Variants in IL27 observed in about 807,000 individuals in gnomAD.
IL27 encodes interleukin 27.
A neutral mutation model predicts 27.0 loss-of-function variants in IL27; 11 were observed. That is an observed-to-expected ratio of 0.41 (90% CI 0.26 to 0.67). The LOEUF is 0.67. Ranked by LOEUF, IL27 falls within the 30% of genes least tolerant of loss-of-function variation. The pLI, the probability that IL27 is intolerant of heterozygous loss-of-function variation, is 0.34. For synonymous variants in IL27, 134 were observed against 140.6 expected, an observed-to-expected ratio of 0.95 and a Z score of 0.33; for missense variants, 299 against 310.4, an observed-to-expected ratio of 0.96 and a Z score of 0.28.
chr16:28,504,756 ATT>A (rs1024799764), intron 1 of IL27, among the ~76,000 whole-genome samples: 1 of 151,588 alleles, frequency 6.6e-6, no homozygotes, highest in African/African-American at 2.4e-5. Flanking sequence ...AACTGTTTCT[ATT>A]TTTTTGTAGA....
intron 1 of IL27, among the ~76,000 whole-genome samples, chr16:28,504,252 C>A (rs766010845): frequency 6.6e-6 from 1 of 152,116 alleles, no homozygotes; most frequent in Non-Finnish European, 1.5e-5. Context: ...CCGAGGCGGG[C>A]GGATCACCTG....
At chr16:28,504,626 C>G (rs535095629) in intron 1 of IL27, among the ~76,000 whole-genome samples, 14 of 151,862 alleles carry the variant, frequency 9.2e-5, no homozygotes, top group African/African-American at 3.4e-4. Flanking sequence ...GTTCTATCAC[C>G]CAGCCTGGAG....
rs1218177595 is a variant in IL27, at chr16:28,504,049, C to G, written c.33G>C (p.Arg11=). MGQTAGDLGW[R]LSLLLLPLLL... ...GCAAGGGAAGCAGCAACAGGCTGAG[C>G]CCTGGAGAGATGGGAAGAGGGTGGC... The change falls in exon 2 of 5, where the codon CGG becomes CGC. Residue 11 remains arginine (R), a splice_region_variant and synonymous_variant. Transcript: ENST00000356897. 5 of 1,591,632 alleles carry G rather than the reference C, an allele frequency of 3.1e-6. No homozygotes were observed. Among genetic ancestry groups the G allele is most frequent in the Middle Eastern group, 1.7e-4 (1 of 5,940 alleles).
Position 28,499,822 on chromosome 16 carries a change from G to A in IL27, c.561C>T (p.Ser187=), listed in dbSNP as rs775939027. ...RKGLLPGALG[S]ALQGPAQVSW... The stretch of plus-strand genomic sequence containing the variant: ...ACACCTGGGCCGGGCCCTGTAAGGC[G>A]CTGCCCAGTGCCCCTGGGAGCAGCC... The change falls in exon 5 of 5, where the codon AGC becomes AGT. Residue 187 remains serine (S), a synonymous_variant. Transcript: ENST00000356897. The A allele has an allele frequency of 1.4e-5, 23 of 1,587,604 alleles. No individual in the cohort carries two copies. Among genetic ancestry groups the A allele is most frequent in the African/African-American group, 6.7e-5 (5 of 74,274 alleles).
chr16:28,499,611 G>A lies in IL27; in HGVS notation c.*40C>T. ...CTGATGCCAAGACTCCAGTCCTAAA[G>A]TTCTAAAGGGTGGGGGGCAGGGGGC... On this transcript the variant is annotated 3_prime_UTR_variant, in exon 5 of 5. Coordinates refer to ENST00000356897, the MANE Select transcript of IL27 (RefSeq NM_145659.3). 1 of 1,533,654 alleles carries A rather than the reference G, an allele frequency of 6.5e-7. No homozygotes were observed. The highest frequency in any genetic ancestry group is 8.9e-7 in the Non-Finnish European group (1 of 1,126,114).
chr16:28,501,567 ACACACT>A (rs202174388), intron 4 of IL27, among the ~76,000 whole-genome samples: 12 of 101,796 alleles, frequency 1.2e-4, no homozygotes, highest in South Asian at 2.8e-4. Context: ...CCCCCCACAC[ACACACT>A]CACAGTCACA....
rs1399124649 is a variant in IL27, at chr16:28,501,589, ACACT to A, written c.462+383_462+386del. Among the ~76,000 whole-genome samples, 8 of 143,746 alleles carry A rather than the reference ACACT, an allele frequency of 5.6e-5. No individual in the cohort carries two copies. In the East Asian group the frequency reaches 1.6e-3, roughly 30 times the overall value. The allele number at this position is 143,746 out of a possible 152,430, so 94.3% of individuals were successfully genotyped here. A position where few individuals can be genotyped will look rare whatever the true frequency, so the allele number is the denominator to read the frequency against. On this transcript the variant is annotated intron_variant, in intron 4 of 4. Transcript: ENST00000356897. Reference sequence around the variant, plus strand: ...CACACACACTCACAGTCACACCCACACACTCTCACAGTCAGGTACACTCACACAG... The same window carrying A: ...CACACACACTCACAGTCACACCCACACTCACAGTCAGGTACACTCACACAG...
intron 1 of IL27, among the ~76,000 whole-genome samples, chr16:28,504,291 A>G (rs2046449530): frequency 1.3e-5 from 2 of 152,202 alleles, no homozygotes; most frequent in South Asian, 4.1e-4. Flanking sequence ...CAGCCTGGCC[A>G]ACATGGCGAA....
intron 4 of IL27, 60 bp downstream of exon 4, chr16:28,501,916 T>G: frequency 5.8e-6 from 9 of 1,551,784 alleles, no homozygotes; most frequent in Non-Finnish European, 7.0e-6. Flanking sequence ...GATCACTGAA[T>G]GAGCCAGCGA....
rs1013787267 is a variant in IL27 at position 28,499,752 on chromosome 16, C to T, written c.631G>A (p.Glu211Lys). 6.2e-7 allele frequency: 1 copy of T among 1,613,356 alleles called. No homozygotes were observed. The highest frequency in any genetic ancestry group is 8.5e-7 in the Non-Finnish European group (1 of 1,179,740). ...CGCACGGCCCGAGATAAGACGAGCT[C>T]CAAGGAGTGCAGCAGGCGGTAGGTG... ...LSTYRLLHSLELVLSRAVREL... is the reference protein window; with the variant it reads ...LSTYRLLHSLKLVLSRAVREL... Residue 211 changes from glutamate to lysine, a missense_variant, in exon 5 of 5, where the codon GAG (glutamate) becomes AAG (lysine). Coordinates refer to ENST00000356897, the MANE Select transcript of IL27 (RefSeq NM_145659.3).
At position 28,499,732 on chromosome 16, in the gene IL27, G is replaced by C; in HGVS notation, c.651C>G (p.Ala217=). The part of the protein sequence containing the change: ...LHSLELVLSR[A]VRELLLLSKA... ...TGGACAGCAGCAGCAACTCCCGCAC[G>C]GCCCGAGATAAGACGAGCTCCAAGG... The change falls in exon 5 of 5, where the codon GCC becomes GCG. Residue 217 remains alanine, a synonymous_variant. Coordinates refer to ENST00000356897, the MANE Select transcript of IL27 (RefSeq NM_145659.3). 6.2e-7 allele frequency: 1 copy of C among 1,613,632 alleles called. No individual in the cohort carries two copies. The highest frequency in any genetic ancestry group is 8.5e-7 in the Non-Finnish European group (1 of 1,179,838).
At chr16:28,500,010 G>C (rs1046654061) in intron 4 of IL27, 90 bp from the exon 5 acceptor site, 1 of 1,427,312 alleles carries the variant, frequency 7.0e-7, no homozygotes. Flanking sequence ...GGTTCCCAAT[G>C]ACATCAGTGA....
At chr16:28,500,532 C>T (rs568811014) in intron 4 of IL27, among the ~76,000 whole-genome samples, 4 of 152,112 alleles carry the variant, frequency 2.6e-5, no homozygotes, top group African/African-American at 7.2e-5. Context: ...GCTTTGGCCT[C>T]CTAAAGTGCT....
chr16:28,499,891 C>T lies in IL27; in HGVS notation c.492G>A (p.Glu164=). Residue 164 remains glutamate, a synonymous_variant, in exon 5 of 5, where the codon GAG becomes GAA. Coordinates refer to ENST00000356897, the MANE Select transcript of IL27 (RefSeq NM_145659.3). The part of the protein sequence containing the change: ...QVLAAGFNLP[E]EEEEEEEEEE... ...CCTCCTCCTCTTCCTCCTCCTCCTC[C>T]TCCGGGAGGTTGAATCCTGCAGCCA... 1 of 1,551,568 alleles carries T rather than the reference C, an allele frequency of 6.4e-7. No individual in the cohort carries two copies. The highest frequency in any genetic ancestry group is 8.7e-7 in the Non-Finnish European group (1 of 1,146,762).
chr16:28,504,247 G>A (rs892528901), intron 1 of IL27, among the ~76,000 whole-genome samples, 197 bp from the exon 2 acceptor site: 5 of 152,224 alleles, frequency 3.3e-5, no homozygotes, highest in Non-Finnish European at 5.9e-5. Context: ...GGAGACCGAG[G>A]CGGGCGGATC....
intron 4 of IL27, among the ~76,000 whole-genome samples, chr16:28,500,673 G>A (rs1375883554): frequency 6.6e-6 from 1 of 152,186 alleles, no homozygotes; most frequent in South Asian, 2.1e-4. Flanking sequence ...AGAATCAGAG[G>A]GAGAAAGGAA....
In IL27 at chr16:28,503,808, C is replaced by T; in HGVS notation, c.205-15G>A. Reference sequence around the variant, plus strand: ...TGAGATTCCGCCTGGGGGGCAAGGTCTGTTAGTGGGGGCCAGAAGGGATTG... The same window carrying T: ...TGAGATTCCGCCTGGGGGGCAAGGTTTGTTAGTGGGGGCCAGAAGGGATTG... On this transcript the variant is annotated splice_polypyrimidine_tract_variant and intron_variant, in intron 2 of 4. Coordinates refer to ENST00000356897, the MANE Select transcript of IL27 (RefSeq NM_145659.3). The T allele has an allele frequency of 6.2e-7, 1 of 1,612,682 alleles. No homozygotes were observed. The highest frequency in any genetic ancestry group is 8.5e-7 in the Non-Finnish European group (1 of 1,179,074).
At chr16:28,500,746 G>C (rs894438228) in intron 4 of IL27, among the ~76,000 whole-genome samples, 6 of 152,174 alleles carry the variant, frequency 3.9e-5, no homozygotes, top group African/African-American at 1.4e-4. Flanking sequence ...CAGCCCAATG[G>C]CCTCCTGTTG....
At chr16:28,501,224 TCTCACA>T (rs892781122) in intron 4 of IL27, among the ~76,000 whole-genome samples, 51 of 148,854 alleles carry the variant, frequency 3.4e-4, no homozygotes, top group African/African-American at 1.2e-3. Context: ...ACCCACATAC[TCTCACA>T]CTCACACTCA....
Sources: allele counts gnomAD v4.1 joint callset (sites outside exome capture counted in the v4.1 genomes callset), GRCh38; gene constraint gnomAD v4.1.1; transcripts MANE v1.5; gene names NCBI Gene and HGNC (gene_info 2026-07-23, HGNC 2026-07-21).